Variants in MAGI2 observed in about 807,000 individuals in gnomAD.
The protein encoded by MAGI2 is membrane-associated guanylate kinase, WW and PDZ domain-containing protein 2.
MAGI2 carries 35 observed loss-of-function variants against 133.3 expected under a neutral mutation model. The ratio of observed to expected loss-of-function variants is 0.26; its 90% CI spans 0.20 to 0.35. The LOEUF (loss-of-function observed/expected upper bound fraction) is 0.35, where lower values mean the gene tolerates loss of function less well. MAGI2 is among the 10% of genes least tolerant of loss of function. MAGI2 has a pLI of 1.00. For synonymous variants in MAGI2, 729 were observed against 710.6 expected, an observed-to-expected ratio of 1.03 and a Z score of -0.41; for missense variants, 1,636 against 1,863.4, an observed-to-expected ratio of 0.88 and a Z score of 2.25.
At chr7:78,977,429 G>C (rs1188926177) in intron 2 of MAGI2, among the ~76,000 whole-genome samples, 2 of 150,064 alleles carry the variant, frequency 1.3e-5, no homozygotes, top group Non-Finnish European at 3.0e-5. Context: ...GAGAGAGAGA[G>C]AGAAACATAA....
At chr7:78,967,824 C>T (rs930181647) in intron 2 of MAGI2, among the ~76,000 whole-genome samples, 1 of 151,708 alleles carries the variant, frequency 6.6e-6, no homozygotes, top group African/African-American at 2.4e-5. Flanking sequence ...ATGTCATTGA[C>T]ATTTGTTTTT....
At chr7:79,214,220 A>G (rs1829757998) in intron 1 of MAGI2, among the ~76,000 whole-genome samples, 1 of 150,896 alleles carries the variant, frequency 6.6e-6, no homozygotes, top group African/African-American at 2.4e-5. Flanking sequence ...TCTTCCAATA[A>G]TTTTCTTTCT....
chr7:79,412,170 C>T (rs1846190608), intron 1 of MAGI2: 1 of 151,886 alleles, frequency 6.6e-6, no homozygotes, highest in South Asian at 2.1e-4. Context: ...TTTTTCTTAC[C>T]TCACTGAAAT....
intron 3 of MAGI2, among the ~76,000 whole-genome samples, chr7:78,555,231 T>C (rs1208591947): frequency 6.6e-6 from 1 of 151,814 alleles, no homozygotes; most frequent in African/African-American, 2.4e-5. Context: ...GACAGATAGA[T>C]AGATAGATAG....
chr7:79,132,614 T>C (rs1403361877), intron 1 of MAGI2, among the ~76,000 whole-genome samples: 1 of 152,096 alleles, frequency 6.6e-6, no homozygotes, highest in Non-Finnish European at 1.5e-5. Context: ...TGGGTGTAAG[T>C]GTCTTTTTTG....
intron 6 of MAGI2, among the ~76,000 whole-genome samples, chr7:78,444,491 A>T (rs1443816542): frequency 6.6e-6 from 1 of 152,080 alleles, no homozygotes; most frequent in East Asian, 1.9e-4. Flanking sequence ...GCAGAAAAAG[A>T]GGAAGAGACA....
In MAGI2 at chr7:78,753,300, C is replaced by G. The variant is rs533477344; in HGVS notation, c.419-126061G>C. ...TACAAATGAAAATATAATAGAAATT[C>G]TAAGAGTAAAAAATTTAGTATCTGA... On this transcript the variant is annotated intron_variant, in intron 2 of 21. Coordinates refer to ENST00000354212, the MANE Select transcript of MAGI2 (RefSeq NM_012301.4). 2.0e-4 allele frequency among the ~76,000 whole-genome samples: 30 copies of G among 151,728 alleles called. No homozygotes were observed. The East Asian group carries it at 5.8e-3, about 29-fold the overall frequency.
chr7:78,848,700 C>G (rs1181795340), intron 2 of MAGI2, among the ~76,000 whole-genome samples: 2 of 152,030 alleles, frequency 1.3e-5, no homozygotes, highest in Non-Finnish European at 2.9e-5. Flanking sequence ...TTTAAGACTT[C>G]TCTGCCTGCT....
intron 6 of MAGI2, among the ~76,000 whole-genome samples, chr7:78,435,095 T>C (rs1352847011): frequency 6.6e-6 from 1 of 152,128 alleles, no homozygotes; most frequent in Non-Finnish European, 1.5e-5. Context: ...CTTGGACAAT[T>C]GATTTAACCT....
At chr7:78,226,074 G>C (rs1237056764) in intron 10 of MAGI2, among the ~76,000 whole-genome samples, 1 of 152,120 alleles carries the variant, frequency 6.6e-6, no homozygotes, top group East Asian at 1.9e-4. Flanking sequence ...ATAAGCCCCT[G>C]TTTTAAAAAT....
chr7:78,704,783 T>TTTTTTTCC (rs1554535279), intron 2 of MAGI2, among the ~76,000 whole-genome samples: 3 of 115,090 alleles, frequency 2.6e-5, no homozygotes, highest in Admixed American at 8.8e-5. Flanking sequence ...TTATTCTTTT[T>TTTTTTTCC]TTTTTTTTTT....
intron 4 of MAGI2, chr7:78,519,183 G>A (rs558295262): frequency 6.7e-6 from 1 of 149,252 alleles, no homozygotes; most frequent in Non-Finnish European, 1.5e-5. Flanking sequence ...GAAGAGTTGG[G>A]AAATGTATAT....
chr7:78,294,662 C>G (rs557443445), intron 9 of MAGI2, among the ~76,000 whole-genome samples: 58 of 149,358 alleles, frequency 3.9e-4, no homozygotes, highest in African/African-American at 1.4e-3. Flanking sequence ...TGCCTCAATG[C>G]CATCTATCAG....
chr7:79,123,529 T>A (rs1820097626), intron 1 of MAGI2, among the ~76,000 whole-genome samples: 1 of 152,086 alleles, frequency 6.6e-6, no homozygotes, highest in South Asian at 2.1e-4. Context: ...CTCATGCCTG[T>A]AATCCCAGCA....
chr7:79,336,613 T>C (rs1163171425), intron 1 of MAGI2, among the ~76,000 whole-genome samples: 1 of 152,066 alleles, frequency 6.6e-6, no homozygotes, highest in Non-Finnish European at 1.5e-5. Context: ...AAATGATATA[T>C]TTGGATTTTA....
At chr7:79,416,386 A>G (rs1445811775) in intron 1 of MAGI2, among the ~76,000 whole-genome samples, 2 of 152,064 alleles carry the variant, frequency 1.3e-5, no homozygotes, top group South Asian at 2.1e-4. Context: ...GAGAGAGAGA[A>G]GGAAGGGGGG....
chr7:79,015,634 A>G (rs1053343713), intron 1 of MAGI2, among the ~76,000 whole-genome samples: 1 of 152,172 alleles, frequency 6.6e-6, no homozygotes, highest in East Asian at 1.9e-4. Flanking sequence ...TTGAACTGCT[A>G]CAAGACTGAT....
chr7:78,277,699 G>A (rs1021134209), intron 9 of MAGI2, among the ~76,000 whole-genome samples: 2 of 152,152 alleles, frequency 1.3e-5, no homozygotes, highest in African/African-American at 4.8e-5. Flanking sequence ...GGCAACAGTA[G>A]AACATCAGAT....
intron 2 of MAGI2, among the ~76,000 whole-genome samples, chr7:78,912,201 C>G (rs1798450063): frequency 6.6e-6 from 1 of 152,048 alleles, no homozygotes; most frequent in Non-Finnish European, 1.5e-5. Context: ...CTAGGAGCTG[C>G]CCTTGACCCT....
Sources: allele counts gnomAD v4.1 joint callset (sites outside exome capture counted in the v4.1 genomes callset), GRCh38; gene constraint gnomAD v4.1.1; transcripts MANE v1.5; gene names NCBI Gene and HGNC (gene_info 2026-07-23, HGNC 2026-07-21).